TG: variants seen among roughly 807,000 people sequenced by gnomAD.
TG encodes the protein thyroglobulin.
TG carries 270 observed loss-of-function variants against 324.7 expected under a neutral mutation model. That is an observed-to-expected ratio of 0.83 (90% CI 0.75 to 0.92). The LOEUF (loss-of-function observed/expected upper bound fraction) is 0.92. Ranked by LOEUF, TG falls within the 40% of genes least tolerant of loss-of-function variation. The pLI is 0.00. For synonymous variants in TG, 1,401 were observed against 1,327.0 expected (o/e 1.06, Z -1.21); for missense variants, 3,591 against 3,456.4 (o/e 1.04, Z -0.98).
intron 35 of TG, chr8:132,994,983 AT>A (rs978922229): frequency 1.0e-6 from 1 of 975,848 alleles, no homozygotes; most frequent in African/African-American, 1.8e-5. Flanking sequence ...TTCCCTTTAA[AT>A]TTTGTAATTC....
chr8:133,129,683 G>A (rs1369753885), intron 45 of TG, among the ~76,000 whole-genome samples: 4 of 152,032 alleles, frequency 2.6e-5, no homozygotes, highest in Non-Finnish European at 5.9e-5. Flanking sequence ...TTTTTGTAGA[G>A]ATGGGATTTT....
chr8:132,983,135 A>C (rs1831092214), intron 34 of TG, among the ~76,000 whole-genome samples: 1 of 152,132 alleles, frequency 6.6e-6, no homozygotes, highest in Admixed American at 6.6e-5. Context: ...TGGTACAAGG[A>C]GAGGGATCCT....
At chr8:133,035,016 T>C (rs1470496724) in intron 41 of TG, among the ~76,000 whole-genome samples, 3 of 152,250 alleles carry the variant, frequency 2.0e-5, no homozygotes, top group Admixed American at 1.3e-4. Flanking sequence ...TAAAATCTTC[T>C]CTATGGCTGT....
At chr8:132,936,858 T>G (rs1823680947) in intron 25 of TG, among the ~76,000 whole-genome samples, 1 of 152,210 alleles carries the variant, frequency 6.6e-6, no homozygotes, top group African/African-American at 2.4e-5. Flanking sequence ...TGTTAAGGGC[T>G]GCAGAGCAAG....
intron 41 of TG, chr8:133,049,466 C>T (rs980519085): frequency 3.5e-6 from 1 of 287,876 alleles, no homozygotes; most frequent in Non-Finnish European, 6.9e-6. Flanking sequence ...TTATCCCTGT[C>T]GTTCTATGTT....
intron 35 of TG, among the ~76,000 whole-genome samples, chr8:132,987,792 T>G (rs1425901370): frequency 6.6e-6 from 1 of 152,010 alleles, no homozygotes; most frequent in African/African-American, 2.4e-5. Context: ...AAGAATTCTT[T>G]GCATATGCAA....
intron 32 of TG, among the ~76,000 whole-genome samples, chr8:132,970,129 A>G (rs1407891067): frequency 2.0e-5 from 3 of 152,038 alleles, no homozygotes; most frequent in Non-Finnish European, 4.4e-5. Context: ...TTGATTGTCA[A>G]AACCTCACAT....
chr8:133,134,627 A>C, intron 47 of TG, 49 bp from the exon 48 acceptor site: 1 of 1,508,770 alleles, frequency 6.6e-7, no homozygotes, highest in Non-Finnish European at 9.2e-7. Flanking sequence ...ACCAGAGAAG[A>C]GAAGTCCTAA....
chr8:132,979,286 G>A (rs1039537277), intron 34 of TG, among the ~76,000 whole-genome samples: 16 of 152,206 alleles, frequency 1.1e-4, no homozygotes, highest in Non-Finnish European at 1.9e-4. Flanking sequence ...ATCTGCAGCT[G>A]TGCATTGTCT....
At chr8:133,043,146 C>T (rs1044459209) in intron 41 of TG, among the ~76,000 whole-genome samples, 10 of 152,092 alleles carry the variant, frequency 6.6e-5, no homozygotes, top group Non-Finnish European at 1.2e-4. Context: ...TTGAGTGGTT[C>T]GATGACCAGG....
At chr8:133,070,550 C>T (rs952265231) in intron 41 of TG, among the ~76,000 whole-genome samples, 1 of 152,176 alleles carries the variant, frequency 6.6e-6, no homozygotes, top group Non-Finnish European at 1.5e-5. Context: ...ACAGCTAGCT[C>T]AGGGCTGGGG....
At chr8:132,964,023 G>A (rs948376311) in intron 29 of TG, among the ~76,000 whole-genome samples, 1 of 151,884 alleles carries the variant, frequency 6.6e-6, no homozygotes, top group South Asian at 2.1e-4. Flanking sequence ...CTTAACACAT[G>A]CCTAAAAAAT....
intron 41 of TG, among the ~76,000 whole-genome samples, chr8:133,034,738 T>C (rs1398221815): frequency 6.6e-6 from 1 of 152,186 alleles, no homozygotes; most frequent in Non-Finnish European, 1.5e-5. Context: ...TGGTTTCTTC[T>C]GGATATTTCT....
chr8:133,058,064 G>A (rs1224738065), intron 41 of TG, among the ~76,000 whole-genome samples: 5 of 152,212 alleles, frequency 3.3e-5, no homozygotes, highest in African/African-American at 9.6e-5. Flanking sequence ...AACCGGATGA[G>A]CAGCCATAGG....
At chr8:132,896,332 G>A (rs558263767) in intron 11 of TG, among the ~76,000 whole-genome samples, 22 of 152,314 alleles carry the variant, frequency 1.4e-4, no homozygotes, top group East Asian at 1.2e-3. Flanking sequence ...TTCAGAGGTC[G>A]GTCCTGGTGT....
At chr8:133,087,394 G>A (rs900203661) in intron 41 of TG, among the ~76,000 whole-genome samples, 3 of 152,138 alleles carry the variant, frequency 2.0e-5, no homozygotes, top group African/African-American at 7.2e-5. Flanking sequence ...AAGGCTTATT[G>A]CTGGACCTCT....
chr8:133,083,626 T>A (rs1028740148), intron 41 of TG, among the ~76,000 whole-genome samples: 8 of 152,186 alleles, frequency 5.3e-5, no homozygotes. Flanking sequence ...ATTATCAAGT[T>A]GTCAGTGCAA....
chr8:132,975,705 T>C (rs566773193), intron 34 of TG, among the ~76,000 whole-genome samples: 9 of 152,306 alleles, frequency 5.9e-5, no homozygotes, highest in African/African-American at 2.2e-4. Context: ...CACTTAATTT[T>C]CACACCCATG....
intron 40 of TG, among the ~76,000 whole-genome samples, chr8:133,025,693 G>A (rs1836005238): frequency 6.6e-6 from 1 of 152,266 alleles, no homozygotes; most frequent in South Asian, 2.1e-4. Flanking sequence ...GGATCATTTT[G>A]TTGCCCTCCA....
Sources: allele counts gnomAD v4.1 joint callset (sites outside exome capture counted in the v4.1 genomes callset), GRCh38; gene constraint gnomAD v4.1.1; transcripts MANE v1.5; gene names NCBI Gene and HGNC (gene_info 2026-07-23, HGNC 2026-07-21).